ANKMY2: variants seen among roughly 807,000 people sequenced by gnomAD.
ANKMY2 encodes the protein ankyrin repeat and MYND domain-containing protein 2.
Under a neutral mutation model 50.4 loss-of-function variants are expected in ANKMY2, and 36 were observed. The ratio of observed to expected loss-of-function variants is 0.71; its 90% CI spans 0.55 to 0.94. The LOEUF is 0.94. Among genes scored for constraint, ANKMY2 ranks in the 40% least tolerant of loss-of-function variants. The pLI is 0.00. For missense variants in ANKMY2, 565 were observed against 524.0 expected (o/e 1.08, Z -0.76); for synonymous variants, 187 against 178.8 (o/e 1.05, Z -0.36).
At chr7:16,633,054 A>C (rs368693063) in intron 2 of ANKMY2, among the ~76,000 whole-genome samples, 5 of 152,172 alleles carry the variant, frequency 3.3e-5, no homozygotes, top group Non-Finnish European at 7.4e-5. Context: ...TCTTCTTTGG[A>C]GCAATATCTA....
At position 16,645,555 on chromosome 7, in the gene ANKMY2, C is replaced by G. The variant is rs374338307; in HGVS notation, c.19G>C (p.Gly7Arg). MVHIKK[G>R]ELTQEEKELL... is the part of the protein sequence containing the mutation. ...TCCTTCTCCTCCTGGGTCAGCTCGC[C>G]TTTCTTTATGTGAACCATTGCTCCC... The change falls in exon 1 of 10, where the codon GGC becomes CGC. Residue 7 changes from glycine to arginine, a missense_variant. Physicochemically the swap from Gly to Arg is moderately radical, Grantham distance 125 (BLOSUM62 -2). Transcript: ENST00000306999. The G allele has an allele frequency of 2.5e-6, 4 of 1,612,070 alleles. No individual in the cohort carries two copies. The highest frequency in any genetic ancestry group is 3.4e-6 in the Non-Finnish European group (4 of 1,179,040).
intron 8 of ANKMY2, among the ~76,000 whole-genome samples, chr7:16,603,267 G>A (rs760818135): frequency 7.9e-5 from 12 of 152,286 alleles, no homozygotes; most frequent in Non-Finnish European, 1.5e-4. Context: ...TGGAAGAAGG[G>A]AGAGAGGCAG....
intron 4 of ANKMY2, among the ~76,000 whole-genome samples, chr7:16,622,921 A>G (rs1241056339): frequency 1.3e-5 from 2 of 152,186 alleles, no homozygotes; most frequent in African/African-American, 2.4e-5. Context: ...TGATTATTAC[A>G]TTATTTGTAG....
At chr7:16,644,837 C>G in intron 1 of ANKMY2, 1 of 402,114 alleles carries the variant, frequency 2.5e-6, no homozygotes, top group Non-Finnish European at 5.1e-6. Context: ...CAAGAAAGCG[C>G]GAAGGAGCGC....
chr7:16,604,928 A>C (rs1251246189), intron 7 of ANKMY2, 79 bp from the exon 8 acceptor site: 1 of 1,371,890 alleles, frequency 7.3e-7, no homozygotes, highest in African/African-American at 1.4e-5. Context: ...GCCCACGGAC[A>C]CTGCCGTCCT....
Position 16,645,669 on chromosome 7 carries a change from T to A in ANKMY2, c.-96A>T. 1 of 1,377,060 alleles carries A rather than the reference T, an allele frequency of 7.3e-7. No individual in the cohort carries two copies. Among genetic ancestry groups the A allele is most frequent in the Non-Finnish European group, 9.9e-7 (1 of 1,007,964 alleles). 85.3% of individuals were successfully genotyped at this position (1,377,060 alleles called of 1,614,324 possible). ...GGAACGCCAGCCGCAATGAGGCAACTTGAGACCAAGACACTGAGTAGCCAA... is the reference window on the plus strand; with the variant it reads ...GGAACGCCAGCCGCAATGAGGCAACATGAGACCAAGACACTGAGTAGCCAA... On this transcript the variant is annotated 5_prime_UTR_variant, in exon 1 of 10. In the 5' UTR this introduces an upstream ATG that the reference lacks. Coordinates refer to ENST00000306999, the MANE Select transcript of ANKMY2 (RefSeq NM_020319.3).
Position 16,634,348 on chromosome 7 carries a change from T to C in ANKMY2, c.132+2043A>G, listed in dbSNP as rs191768758. Among the ~76,000 whole-genome samples, 11 of 152,264 alleles carry C rather than the reference T, an allele frequency of 7.2e-5. No homozygotes were observed. In the East Asian group the frequency reaches 1.7e-3, roughly 24 times the overall value. ...CCCTGAGAAAGGGAAAGCAACTGAA[T>C]TGGCTCCTGCAATTGCCTAGCTTAT... On this transcript the variant is annotated intron_variant, in intron 2 of 9. Coordinates refer to ENST00000306999, the MANE Select transcript of ANKMY2 (RefSeq NM_020319.3).
intron 1 of ANKMY2, among the ~76,000 whole-genome samples, chr7:16,639,325 C>T (rs1406254298): frequency 6.6e-6 from 1 of 151,950 alleles, no homozygotes; most frequent in African/African-American, 2.4e-5. Flanking sequence ...TAACAAACTG[C>T]TGGGGGTGGA....
rs755068536 is a variant in ANKMY2 at position 16,627,055 on chromosome 7, A to C, written c.256T>G (p.Phe86Val). ...AAAACTTCACCAGAAAGTGCAGCAA[A>C]CATGAGGGCTGTGTATCCATGTTCA... ...QHEHGYTALM[F>V]AALSGNKDIT... The change falls in exon 3 of 10, where the codon TTT becomes GTT. Residue 86 changes from phenylalanine to valine, a missense_variant. By Grantham distance (50) the Phe-to-Val change is conservative. Coordinates refer to ENST00000306999, the MANE Select transcript of ANKMY2 (RefSeq NM_020319.3). 3 of 1,601,572 alleles carry C rather than the reference A, an allele frequency of 1.9e-6. No individual in the cohort carries two copies. In the South Asian group the frequency reaches 3.4e-5, roughly 18 times the overall value.
At chr7:16,612,585 A>C (rs1232356900) in intron 5 of ANKMY2, among the ~76,000 whole-genome samples, 1 of 152,210 alleles carries the variant, frequency 6.6e-6, no homozygotes, top group Non-Finnish European at 1.5e-5. Flanking sequence ...ATAATCAACT[A>C]TAGAATCTTA....
intron 5 of ANKMY2, among the ~76,000 whole-genome samples, chr7:16,612,195 G>C (rs976816142): frequency 6.6e-6 from 1 of 152,178 alleles, no homozygotes; most frequent in African/African-American, 2.4e-5. Flanking sequence ...ACATGTCAGG[G>C]AACAACAGGT....
intron 1 of ANKMY2, among the ~76,000 whole-genome samples, chr7:16,639,397 A>G (rs1205724243): frequency 6.6e-6 from 1 of 152,244 alleles, no homozygotes; most frequent in African/African-American, 2.4e-5. Context: ...TGGAGATAAG[A>G]AACAACAGAC....
intron 7 of ANKMY2, among the ~76,000 whole-genome samples, chr7:16,608,874 A>T (rs888932594): frequency 5.3e-5 from 8 of 151,976 alleles, no homozygotes; most frequent in East Asian, 3.9e-4. Flanking sequence ...GGTGGCGCGC[A>T]CCTATAGTCC....
At chr7:16,604,294 A>C (rs1043817810) in intron 8 of ANKMY2, among the ~76,000 whole-genome samples, 1 of 152,258 alleles carries the variant, frequency 6.6e-6, no homozygotes, top group Non-Finnish European at 1.5e-5. Context: ...GTCAGAAACT[A>C]TAGTTTTACA....
chr7:16,604,217 G>T (rs1562765244), intron 8 of ANKMY2, among the ~76,000 whole-genome samples: 1 of 152,202 alleles, frequency 6.6e-6, no homozygotes, highest in South Asian at 2.1e-4. Context: ...AATCAGATAT[G>T]CCTTTTACAA....
intron 5 of ANKMY2, among the ~76,000 whole-genome samples, chr7:16,613,205 T>G (rs1312833126): frequency 1.3e-5 from 2 of 152,222 alleles, no homozygotes; most frequent in African/African-American, 4.8e-5. Context: ...TGCATCCTTA[T>G]TGCTACGGCA....
At chr7:16,627,756 A>G (rs956217854) in intron 2 of ANKMY2, among the ~76,000 whole-genome samples, 1 of 152,194 alleles carries the variant, frequency 6.6e-6, no homozygotes, top group Admixed American at 6.5e-5. Flanking sequence ...TATTTTGATC[A>G]TACATATGAT....
chr7:16,614,813 A>C (rs1021715015), intron 5 of ANKMY2, among the ~76,000 whole-genome samples: 7 of 152,338 alleles, frequency 4.6e-5, no homozygotes, highest in African/African-American at 1.7e-4. Flanking sequence ...TGCTCACTTA[A>C]ACAGCTCTGA....
intron 9 of ANKMY2, 31 bp downstream of exon 9, chr7:16,602,349 A>T (rs1369438425): frequency 1.2e-6 from 2 of 1,603,744 alleles, no homozygotes; most frequent in Admixed American, 1.7e-5. Flanking sequence ...TCCACTAAAA[A>T]GCAGAGTGAA....
Sources: gnomAD v4.1 joint callset for allele counts (sites outside exome capture counted in the v4.1 genomes callset) on GRCh38, gnomAD v4.1.1 for gene constraint, MANE v1.5 for transcripts, NCBI Gene and HGNC (gene_info 2026-07-23, HGNC 2026-07-21) for gene names.